Variants in EHMT1 observed in about 807,000 individuals in gnomAD.
EHMT1 encodes histone-lysine N-methyltransferase EHMT1.
Under a neutral mutation model 147.2 loss-of-function variants are expected in EHMT1, and 15 were observed. The observed-to-expected ratio is 0.10, with a 90% confidence interval of 0.07 to 0.16. EHMT1 has a LOEUF of 0.16. Ranked by LOEUF, EHMT1 falls within the 10% of genes least tolerant of loss-of-function variation. The pLI is 1.00. For missense variants in EHMT1, 1,587 were observed against 1,772.4 expected (o/e 0.90, Z 1.88); for synonymous variants, 795 against 709.6 (o/e 1.12, Z -1.91).
At position 137,718,156 on chromosome 9, in the gene EHMT1, C is replaced by T. The variant is rs117181518; in HGVS notation, c.642+974C>T. On this transcript the variant is annotated intron_variant, in intron 3 of 26. Transcript: ENST00000460843. ...GGGCGCGCCTGCCCCTCACACGCAC[C>T]GTGCTGATTTTCACACACAGGGCGC... Among the ~76,000 whole-genome samples the T allele has an allele frequency of 4.3e-3, 643 of 148,612 alleles. 3 individuals carry two copies. The highest frequency in any genetic ancestry group is 6.5e-3 in the Non-Finnish European group (433 of 66,736).
chr9:137,712,154 G>C (rs561811747), intron 2 of EHMT1, among the ~76,000 whole-genome samples: 88 of 152,310 alleles, frequency 5.8e-4, no homozygotes, highest in African/African-American at 2.0e-3. Flanking sequence ...CGTCCTTTCT[G>C]TGTCTTTGAA....
At chr9:137,834,636 G>T in intron 26 of EHMT1, 112 bp downstream of exon 26, 1 of 1,594,598 alleles carries the variant, frequency 6.3e-7, no homozygotes, top group Non-Finnish European at 8.5e-7. Flanking sequence ...TGGTTTTCCT[G>T]TAGTTCTAAA....
chr9:137,737,814 C>T (rs1443946170), intron 4 of EHMT1, among the ~76,000 whole-genome samples: 1 of 152,100 alleles, frequency 6.6e-6, no homozygotes, highest in Non-Finnish European at 1.5e-5. Flanking sequence ...AAAATATCTG[C>T]AAATCCTATG....
chr9:137,784,192 A>G (rs1951782507), intron 15 of EHMT1: 1 of 1,550,780 alleles, frequency 6.4e-7, no homozygotes, highest in Admixed American at 2.0e-5. Flanking sequence ...CACAGCCAGG[A>G]ACCACGCCAA....
intron 1 of EHMT1, among the ~76,000 whole-genome samples, chr9:137,653,709 G>A (rs1219321139): frequency 6.6e-6 from 1 of 152,028 alleles, no homozygotes; most frequent in African/African-American, 2.4e-5. Context: ...TGTATTTTTA[G>A]TAGAGATGGG....
chr9:137,626,426 G>A (rs1843261042), intron 1 of EHMT1, among the ~76,000 whole-genome samples: 1 of 151,748 alleles, frequency 6.6e-6, no homozygotes, highest in African/African-American at 2.4e-5. Flanking sequence ...AGGAGGCTGA[G>A]GCAGGAGGAT....
At chr9:137,700,916 G>A (rs796999859) in intron 1 of EHMT1, among the ~76,000 whole-genome samples, 6 of 152,258 alleles carry the variant, frequency 3.9e-5, no homozygotes, top group Admixed American at 6.5e-5. Context: ...AGGTTTAATC[G>A]GTTCATGGTT....
rs544697810 is a variant in EHMT1 at position 137,666,454 on chromosome 9, C to T, written c.22-44513C>T. Among the ~76,000 whole-genome samples the T allele has an allele frequency of 1.1e-4, 17 of 152,372 alleles. No homozygotes were observed. The East Asian group carries it at 3.3e-3, about 29-fold the overall frequency. Reference sequence around the variant, plus strand: ...ATTCTCCTACCTGCCCCCATGGCAGCCTCAGTGGTGGAGGGAGTGAGGCTG... The same window carrying T: ...ATTCTCCTACCTGCCCCCATGGCAGTCTCAGTGGTGGAGGGAGTGAGGCTG... On this transcript the variant is annotated intron_variant, in intron 1 of 26. Coordinates refer to ENST00000460843, the MANE Select transcript of EHMT1 (RefSeq NM_024757.5).
intron 1 of EHMT1, among the ~76,000 whole-genome samples, chr9:137,622,372 G>A (rs1476950488): frequency 6.6e-6 from 1 of 151,968 alleles, no homozygotes; most frequent in African/African-American, 2.4e-5. Context: ...TATCTGCCTT[G>A]GCCTCCTAAA....
At chr9:137,715,481 A>C in intron 2 of EHMT1, 1 of 944,578 alleles carries the variant, frequency 1.1e-6, no homozygotes, top group Non-Finnish European at 1.3e-6. Context: ...CCAGCATGAC[A>C]GATGATCAGG....
chr9:137,649,491 A>AAAC (rs1564539854), intron 1 of EHMT1, among the ~76,000 whole-genome samples: 9 of 143,206 alleles, frequency 6.3e-5, no homozygotes, highest in Non-Finnish European at 9.2e-5. Context: ...AACAAACAAA[A>AAAC]ATGTCCTCCC....
chr9:137,811,425 G>A, intron 18 of EHMT1, 36 bp from the exon 19 acceptor site: 2 of 1,610,520 alleles, frequency 1.2e-6, no homozygotes, highest in South Asian at 2.2e-5. Flanking sequence ...GAGCCAGCAG[G>A]AAGCCTGCAC....
chr9:137,708,212 A>G (rs947228332), intron 1 of EHMT1, among the ~76,000 whole-genome samples: 4 of 152,234 alleles, frequency 2.6e-5, no homozygotes, highest in Non-Finnish European at 5.9e-5. Flanking sequence ...TGGCTAATCG[A>G]AGAGTCAGCT....
intron 6 of EHMT1, 139 bp downstream of exon 6, chr9:137,744,229 AT>A: frequency 1.2e-6 from 1 of 850,090 alleles, no homozygotes. Flanking sequence ...TTTGTATTTT[AT>A]TTTTCTTGAT....
At chr9:137,780,332 T>C (rs1446393648) in intron 14 of EHMT1, among the ~76,000 whole-genome samples, 5 of 83,642 alleles carry the variant, frequency 6.0e-5, no homozygotes, top group East Asian at 3.6e-4. Flanking sequence ...ATCACTGAGA[T>C]GTGTGGTGAT....
rs371968733 is a variant in EHMT1, at chr9:137,813,424, G to C, written c.3074G>C (p.Cys1025Ser). 1.7e-5 allele frequency: 27 copies of C among 1,613,366 alleles called. No homozygotes were observed. Among genetic ancestry groups the C allele is most frequent in the African/African-American group, 2.7e-5 (2 of 74,922 alleles). ...ARGYERIPIP[C>S]VNAVDSEPCP... ...GGCTACGAGCGCATCCCCATCCCCT[G>C]TGTCAACGCCGTGGACAGCGAGCCA... Residue 1025 changes from cysteine (C) to serine (S), a missense_variant, in exon 21 of 27, where the codon TGT (cysteine) becomes TCT (serine). Physicochemically the swap from Cys to Ser is moderately radical, Grantham distance 112 (BLOSUM62 -1). Around this residue, in one of 7 missense-constraint regions of EHMT1, gnomAD observed 156 missense variants for 252.5 expected, o/e 0.62. Coordinates refer to ENST00000460843, the MANE Select transcript of EHMT1 (RefSeq NM_024757.5). This position sits in a 1 kb window ranked among gnomAD's most constrained non-coding sequence, Gnocchi z 4.9.
In EHMT1 at chr9:137,716,614, C is replaced by A; in HGVS notation, c.86-12C>A. On this transcript the variant is annotated splice_polypyrimidine_tract_variant and intron_variant, in intron 2 of 26. Transcript: ENST00000460843. ...GGCCTGCAGTCAGTGACACTCGTTT[C>A]TTTGTTGGCAGAGACACCTATGGCT... The A allele has an allele frequency of 6.5e-7, 1 of 1,544,802 alleles. No homozygotes were observed. Among genetic ancestry groups the A allele is most frequent in the Non-Finnish European group, 8.7e-7 (1 of 1,144,750 alleles).
At chr9:137,654,496 A>G (rs563871750) in intron 1 of EHMT1, among the ~76,000 whole-genome samples, 1 of 152,178 alleles carries the variant, frequency 6.6e-6, no homozygotes, top group African/African-American at 2.4e-5. Context: ...CCAGTATCAC[A>G]GTGTCTTGAT....
chr9:137,624,332 T>C (rs2501553), intron 1 of EHMT1, among the ~76,000 whole-genome samples: 27,458 of 143,376 alleles, frequency 0.19, 2,987 homozygotes, highest in Admixed American at 0.32. Context: ...TTTTGAGACA[T>C]GGTTTCACCC....
Sources: gnomAD v4.1 joint callset for allele counts (sites outside exome capture counted in the v4.1 genomes callset) on GRCh38, gnomAD v4.1.1 for gene constraint, gnomAD v4.1.1 regional missense constraint, Gnocchi (gnomAD v3.1) non-coding constraint, MANE v1.5 for transcripts, NCBI Gene and HGNC (gene_info 2026-07-23, HGNC 2026-07-21) for gene names.